Variants in ANO1 observed in about 807,000 individuals in gnomAD.
ANO1 encodes the protein anoctamin 1, also known as anoctamin-1.
A neutral mutation model predicts 124.0 loss-of-function variants in ANO1; 59 were observed. The ratio of observed to expected loss-of-function variants is 0.48; its 90% CI spans 0.39 to 0.59. The LOEUF is 0.59. ANO1 is among the 20% of genes least tolerant of loss of function. The pLI is 0.00. For synonymous variants in ANO1, 529 were observed against 532.0 expected (o/e 0.99, Z 0.08); for missense variants, 1,059 against 1,328.0 (o/e 0.80, Z 3.15).
intron 1 of ANO1, among the ~76,000 whole-genome samples, chr11:70,082,802 CA>C (rs1476164282): frequency 6.6e-6 from 1 of 152,216 alleles, no homozygotes; most frequent in Admixed American, 6.5e-5. Context: ...ACCATAAAGT[CA>C]CACGCACTGG....
chr11:69,995,029 C>T (rs1367313188), intron 1 of ANO1, among the ~76,000 whole-genome samples: 4 of 151,874 alleles, frequency 2.6e-5, no homozygotes, highest in Non-Finnish European at 5.9e-5. Flanking sequence ...ACCGTTTCCC[C>T]TGTTTTTAAC....
intron 10 of ANO1, among the ~76,000 whole-genome samples, chr11:70,128,377 A>G (rs1164206148): frequency 2.0e-5 from 3 of 152,224 alleles, no homozygotes; most frequent in East Asian, 3.9e-4. Flanking sequence ...CCGGAGGAAA[A>G]TGGTGAGTGT....
At chr11:70,148,454 G>A (rs1192530871) in intron 11 of ANO1, among the ~76,000 whole-genome samples, 1 of 152,184 alleles carries the variant, frequency 6.6e-6, no homozygotes, top group African/African-American at 2.4e-5. Flanking sequence ...AGAGCTCAGT[G>A]GCTGGTATTG....
chr11:70,029,455 G>A (rs918922049), intron 1 of ANO1, among the ~76,000 whole-genome samples: 7 of 152,328 alleles, frequency 4.6e-5, no homozygotes, highest in African/African-American at 1.4e-4. Context: ...GCTGCCAGCT[G>A]AATTGACTGG....
intron 1 of ANO1, among the ~76,000 whole-genome samples, chr11:70,083,990 G>C (rs2044278465): frequency 6.6e-6 from 1 of 152,192 alleles, no homozygotes; most frequent in Admixed American, 6.5e-5. Flanking sequence ...GAATTACAAA[G>C]GGCTGAGAAG....
At chr11:70,073,088 G>A (rs1164258281) in intron 1 of ANO1, 1 of 152,264 alleles carries the variant, frequency 6.6e-6, no homozygotes, top group East Asian at 1.9e-4. Flanking sequence ...CTGGTGAAAG[G>A]AAATTGCCAG....
At chr11:70,140,164 G>A (rs918689462) in intron 11 of ANO1, among the ~76,000 whole-genome samples, 51 of 152,294 alleles carry the variant, frequency 3.3e-4, no homozygotes, top group African/African-American at 1.2e-3. Flanking sequence ...CCCAGGAGAG[G>A]GTTTTTGGAT....
intron 1 of ANO1, among the ~76,000 whole-genome samples, chr11:70,034,519 A>T (rs7928926): frequency 0.73 from 111,437 of 152,062 alleles, 41,205 homozygotes; most frequent in East Asian, 0.94. Context: ...AAAACCAACA[A>T]AAATTATTCA....
chr11:70,066,877 A>T (rs1857738310), intron 1 of ANO1, among the ~76,000 whole-genome samples: 1 of 152,080 alleles, frequency 6.6e-6, no homozygotes, highest in Non-Finnish European at 1.5e-5. Context: ...AGGCCCATGG[A>T]TGCTGCTAGT....
intron 1 of ANO1, among the ~76,000 whole-genome samples, chr11:69,995,374 G>C (rs1343829583): frequency 1.3e-5 from 2 of 152,128 alleles, no homozygotes; most frequent in African/African-American, 2.4e-5. Flanking sequence ...TAGGATTACA[G>C]GCATGAGCCA....
At chr11:70,097,651 C>T (rs369012318) in intron 2 of ANO1, among the ~76,000 whole-genome samples, 3 of 152,180 alleles carry the variant, frequency 2.0e-5, no homozygotes, top group Admixed American at 6.5e-5. Flanking sequence ...CCTGCCCCCT[C>T]GTCCATATTT....
At chr11:69,989,140 AT>A (rs1856105703) in intron 1 of ANO1, among the ~76,000 whole-genome samples, 1 of 150,470 alleles carries the variant, frequency 6.6e-6, no homozygotes, top group Admixed American at 6.6e-5. Context: ...GGTGGGTCCC[AT>A]TGTTTCCCCC....
chr11:69,987,638 A>G (rs1242896682), intron 1 of ANO1, among the ~76,000 whole-genome samples: 1 of 126,460 alleles, frequency 7.9e-6, no homozygotes, highest in Non-Finnish European at 1.6e-5. Flanking sequence ...AAAAAAAAAG[A>G]CTAGAACCCA....
intron 25 of ANO1, among the ~76,000 whole-genome samples, 170 bp from the exon 26 acceptor site, chr11:70,187,568 C>T (rs770222253): frequency 2.0e-5 from 3 of 152,154 alleles, no homozygotes; most frequent in African/African-American, 4.8e-5. Flanking sequence ...AGAGGCCTGC[C>T]GGGTGGTTCT....
At chr11:70,141,166 G>C (rs998289479) in intron 11 of ANO1, among the ~76,000 whole-genome samples, 1 of 152,150 alleles carries the variant, frequency 6.6e-6, no homozygotes, top group Non-Finnish European at 1.5e-5. Flanking sequence ...GGAATGTACC[G>C]TAAGCCAGTA....
At chr11:69,994,923 C>T (rs1856230785) in intron 1 of ANO1, among the ~76,000 whole-genome samples, 1 of 152,068 alleles carries the variant, frequency 6.6e-6, no homozygotes. Context: ...CACCATCATT[C>T]CTTTGTTTTT....
the ANO1 span, among the ~76,000 whole-genome samples, chr11:69,967,601 G>A: frequency 3.3e-5 from 5 of 152,240 alleles, no homozygotes; most frequent in South Asian, 2.1e-4. Context: ...TAGGGAAAGT[G>A]CATAAATGAA....
intron 19 of ANO1, among the ~76,000 whole-genome samples, chr11:70,163,863 G>C (rs914502266): frequency 6.6e-6 from 1 of 151,882 alleles, no homozygotes; most frequent in Non-Finnish European, 1.5e-5. Context: ...GCTTGAACCT[G>C]GAAGATGGAG....
At chr11:69,993,567 C>T (rs1055508179) in intron 1 of ANO1, among the ~76,000 whole-genome samples, 3 of 152,160 alleles carry the variant, frequency 2.0e-5, no homozygotes, top group Non-Finnish European at 2.9e-5. Context: ...AGTCCCAGCT[C>T]GGTCTTCAGA....
Sources: allele counts gnomAD v4.1 joint callset (sites outside exome capture counted in the v4.1 genomes callset), GRCh38; gene constraint gnomAD v4.1.1; transcripts MANE v1.5; gene names NCBI Gene and HGNC (gene_info 2026-07-23, HGNC 2026-07-21).